KCNIP4: variants seen among roughly 807,000 people sequenced by gnomAD.
KCNIP4 encodes Kv channel-interacting protein 4.
Under a neutral mutation model 34.0 loss-of-function variants are expected in KCNIP4, and 12 were observed. The ratio of observed to expected loss-of-function variants is 0.35; its 90% CI spans 0.23 to 0.57. KCNIP4 has a LOEUF of 0.57. KCNIP4 is among the 20% of genes least tolerant of loss of function. The pLI is 0.83. For synonymous variants in KCNIP4, 124 were observed against 102.2 expected (o/e 1.21, Z -1.29); for missense variants, 238 against 311.7 (o/e 0.76, Z 1.78).
chr4:21,048,884 G>GGA lies in KCNIP4; in HGVS notation c.62-166177_62-166176dup, dbSNP rs143374842. On this transcript the variant is annotated intron_variant, in intron 1 of 8. Coordinates refer to ENST00000382152, the MANE Select transcript of KCNIP4 (RefSeq NM_025221.6). Reference sequence around the variant, plus strand: ...TGCTAGCCACTTGGGGATGCTGCATGGAGAGAGAGAGAGAGAGAGATCTAA... The same window carrying GGA: ...TGCTAGCCACTTGGGGATGCTGCATGGAGAGAGAGAGAGAGAGAGAGATCTAA... 6.0e-3 allele frequency among the ~76,000 whole-genome samples: 881 copies of GGA among 147,960 alleles called. 4 individuals carry two copies. Among genetic ancestry groups the GGA allele is most frequent in the African/African-American group, 0.018 (743 of 40,468 alleles).
At chr4:21,915,582 C>A (rs1728583433) in intron 1 of KCNIP4, among the ~76,000 whole-genome samples, 1 of 152,158 alleles carries the variant, frequency 6.6e-6, no homozygotes, top group Admixed American at 6.5e-5. Context: ...TCCCTTATAG[C>A]CACAAAATAC....
chr4:21,167,338 G>A (rs947145447), intron 1 of KCNIP4, among the ~76,000 whole-genome samples: 18 of 152,158 alleles, frequency 1.2e-4, no homozygotes, highest in Non-Finnish European at 2.5e-4. Flanking sequence ...TGTACAATTT[G>A]TTGTATGTCA....
intron 1 of KCNIP4, among the ~76,000 whole-genome samples, chr4:21,420,631 A>G (rs992553307): frequency 6.6e-6 from 1 of 152,158 alleles, no homozygotes; most frequent in African/African-American, 2.4e-5. Flanking sequence ...TGGAATATGC[A>G]GTTTCTTCTA....
At chr4:21,390,529 A>C (rs1722469365) in intron 1 of KCNIP4, among the ~76,000 whole-genome samples, 1 of 152,170 alleles carries the variant, frequency 6.6e-6, no homozygotes, top group Non-Finnish European at 1.5e-5. Context: ...ATGGCTAGCC[A>C]GTTTTCCCAG....
intron 1 of KCNIP4, among the ~76,000 whole-genome samples, chr4:21,789,754 T>C (rs1388459790): frequency 6.6e-6 from 1 of 152,212 alleles, no homozygotes; most frequent in East Asian, 1.9e-4. Flanking sequence ...AAAGACAAGA[T>C]ATTTGTGCTT....
intron 1 of KCNIP4, among the ~76,000 whole-genome samples, chr4:21,123,762 T>G (rs1433479): frequency 0.52 from 78,567 of 152,038 alleles, 21,617 homozygotes; most frequent in African/African-American, 0.71. Context: ...AATGGGATTA[T>G]TGTCCTTAAA....
chr4:21,127,363 G>T (rs1036775789), intron 1 of KCNIP4, among the ~76,000 whole-genome samples: 1 of 151,870 alleles, frequency 6.6e-6, no homozygotes, highest in African/African-American at 2.4e-5. Flanking sequence ...CTTCTTTTGG[G>T]GTTTGCTTTT....
chr4:21,528,818 A>AG (rs1200424990), intron 1 of KCNIP4, among the ~76,000 whole-genome samples: 1 of 115,472 alleles, frequency 8.7e-6, no homozygotes, highest in African/African-American at 3.2e-5. Context: ...GAAGGAAGGA[A>AG]GGAAGGAAGG....
chr4:21,606,167 G>C (rs2109133379), intron 1 of KCNIP4, among the ~76,000 whole-genome samples: 1 of 152,246 alleles, frequency 6.6e-6, no homozygotes. Context: ...TGGGAACTCA[G>C]AGAAAGGATA....
chr4:20,784,272 A>C (rs1355323098), intron 3 of KCNIP4, among the ~76,000 whole-genome samples: 2 of 152,164 alleles, frequency 1.3e-5, no homozygotes, highest in African/African-American at 2.4e-5. Flanking sequence ...TTTTAATATA[A>C]GGCAAACTGA....
intron 1 of KCNIP4, among the ~76,000 whole-genome samples, chr4:21,646,405 T>G (rs549217508): frequency 6.6e-6 from 1 of 152,160 alleles, no homozygotes; most frequent in Non-Finnish European, 1.5e-5. Context: ...AATGAGTCAA[T>G]ATTGTTGTCT....
chr4:21,634,241 A>C (rs1259626924), intron 1 of KCNIP4, among the ~76,000 whole-genome samples: 3 of 151,298 alleles, frequency 2.0e-5, no homozygotes, highest in Non-Finnish European at 4.4e-5. Context: ...AAAAAAAAAA[A>C]AAAAAACACA....
At chr4:21,727,193 C>A (rs1715259418) in intron 1 of KCNIP4, among the ~76,000 whole-genome samples, 1 of 152,152 alleles carries the variant, frequency 6.6e-6, no homozygotes, top group South Asian at 2.1e-4. Context: ...ATGATTAAGT[C>A]ATGAGGACTC....
At chr4:21,056,633 C>A (rs1219578986) in intron 1 of KCNIP4, among the ~76,000 whole-genome samples, 1 of 152,146 alleles carries the variant, frequency 6.6e-6, no homozygotes, top group Non-Finnish European at 1.5e-5. Context: ...GAGCAAGACT[C>A]TTTCCATGCT....
At chr4:21,050,098 A>T (rs1333577172) in intron 1 of KCNIP4, among the ~76,000 whole-genome samples, 1 of 152,230 alleles carries the variant, frequency 6.6e-6, no homozygotes, top group African/African-American at 2.4e-5. Flanking sequence ...CCCAGTTGAG[A>T]TAACCCACAT....
Position 21,528,872 on chromosome 4 carries a change from G to GAAGGAAGA in KCNIP4, c.61+419698_61+419699insTCTTCCTT, listed in dbSNP as rs796654818. Among the ~76,000 whole-genome samples, 12 of 131,774 alleles carry GAAGGAAGA rather than the reference G, an allele frequency of 9.1e-5. 2 individuals are homozygous for GAAGGAAGA. Among genetic ancestry groups the GAAGGAAGA allele is most frequent in the African/African-American group, 1.9e-4 (7 of 36,930 alleles). The allele number at this position is 131,774 out of a possible 152,430, so 86.4% of individuals were successfully genotyped here. A position where few individuals can be genotyped will look rare whatever the true frequency, so the allele number is the denominator to read the frequency against. On this transcript the variant is annotated intron_variant, in intron 1 of 8. Coordinates refer to ENST00000382152, the MANE Select transcript of KCNIP4 (RefSeq NM_025221.6). The stretch of plus-strand genomic sequence containing the variant: ...GGAAGGAAGGAAGGAAGGAAGGAAG[G>GAAGGAAGA]GAAATTCAATTTTGGGGGTTGTGGC...
chr4:20,924,066 C>T (rs1729667337), intron 1 of KCNIP4, among the ~76,000 whole-genome samples: 2 of 152,088 alleles, frequency 1.3e-5, no homozygotes, highest in Non-Finnish European at 2.9e-5. Context: ...CATTCTGACT[C>T]AGGGATATAT....
intron 1 of KCNIP4, among the ~76,000 whole-genome samples, chr4:21,404,234 A>G (rs1723786594): frequency 6.6e-6 from 1 of 152,202 alleles, no homozygotes; most frequent in African/African-American, 2.4e-5. Context: ...CTCACCCACC[A>G]GCTTCATTTT....
intron 1 of KCNIP4, among the ~76,000 whole-genome samples, chr4:21,502,788 G>A (rs1162184285): frequency 6.6e-6 from 1 of 152,146 alleles, no homozygotes; most frequent in East Asian, 1.9e-4. Flanking sequence ...ATTCCGTTTT[G>A]CCACAGAGTG....
Sources: allele counts gnomAD v4.1 joint callset (sites outside exome capture counted in the v4.1 genomes callset), GRCh38; gene constraint gnomAD v4.1.1; transcripts MANE v1.5; gene names NCBI Gene and HGNC (gene_info 2026-07-23, HGNC 2026-07-21).